The following CHL1 variants were observed in gnomAD, a reference collection of about 807,000 sequenced individuals.
CHL1 encodes neural cell adhesion molecule L1-like protein.
CHL1 carries 96 observed loss-of-function variants against 141.9 expected under a neutral mutation model. That is an observed-to-expected ratio of 0.68 (90% CI 0.57 to 0.80). The LOEUF is 0.80. CHL1 is among the 30% of genes least tolerant of loss of function. CHL1 has a pLI of 0.00. For synonymous variants in CHL1, 613 were observed against 502.2 expected, an observed-to-expected ratio of 1.22 and a Z score of -2.95; for missense variants, 1,820 against 1,457.2, an observed-to-expected ratio of 1.25 and a Z score of -4.05.
In CHL1 at chr3:267,747, G is replaced by C. The variant is rs557069375; in HGVS notation, c.-95+23055G>C. ...CATGAAGCTCAAGAAAAATGTGAAA[G>C]ATTATACAGTTTTTGGGCAACAAAT... On this transcript the variant is annotated intron_variant, in intron 2 of 27. Transcript: ENST00000256509. Among the ~76,000 whole-genome samples the C allele has an allele frequency of 1.1e-3, 166 of 152,248 alleles. 1 individual carries two copies. The Middle Eastern group carries it at 0.024, about 22-fold the overall frequency.
chr3:332,369 A>G (rs17028711), intron 5 of CHL1, among the ~76,000 whole-genome samples: 7,853 of 152,264 alleles, frequency 0.052, 281 homozygotes, highest in South Asian at 0.13. Flanking sequence ...GATAAAAACA[A>G]TATTCATGGC....
intron 5 of CHL1, among the ~76,000 whole-genome samples, chr3:337,187 T>G (rs1198268287): frequency 5.7e-5 from 4 of 70,612 alleles, no homozygotes; most frequent in East Asian, 6.6e-4. Context: ...ATTCTTTTGT[T>G]TTTGTTTTTT....
chr3:364,712 G>T (rs1175674118), intron 14 of CHL1, among the ~76,000 whole-genome samples: 1 of 152,138 alleles, frequency 6.6e-6, no homozygotes, highest in Non-Finnish European at 1.5e-5. Context: ...GTGATTGAGA[G>T]CATGAGCTTT....
At chr3:329,779 G>T (rs1280105361) in intron 5 of CHL1, among the ~76,000 whole-genome samples, 1 of 151,844 alleles carries the variant, frequency 6.6e-6, no homozygotes, top group Admixed American at 6.6e-5. Context: ...CCAGACAAAT[G>T]CTTTCCAAAT....
intron 2 of CHL1, among the ~76,000 whole-genome samples, chr3:288,261 T>C (rs149524635): frequency 6.6e-5 from 10 of 152,328 alleles, no homozygotes; most frequent in Non-Finnish European, 1.5e-4. Flanking sequence ...AGGTATTGGT[T>C]AATCTATTAT....
At chr3:321,143 TA>T (rs1260583439) in intron 3 of CHL1, among the ~76,000 whole-genome samples, 1 of 152,096 alleles carries the variant, frequency 6.6e-6, no homozygotes, top group Non-Finnish European at 1.5e-5. Context: ...AGGGCCACCT[TA>T]AATTACTTGA....
rs74832221 is a variant in CHL1, at chr3:228,454, G to T, written c.-174-16159G>T. Reference sequence around the variant, plus strand: ...CCTGCACATGGATGAAGTCATGTTTGCATACACTCAGTGTAAATATGTGTA... The same window carrying T: ...CCTGCACATGGATGAAGTCATGTTTTCATACACTCAGTGTAAATATGTGTA... On this transcript the variant is annotated intron_variant, in intron 1 of 27. Transcript: ENST00000256509. Among the ~76,000 whole-genome samples, 108 of 150,308 alleles carry T rather than the reference G, an allele frequency of 7.2e-4. 1 individual carries two copies. The highest frequency in any genetic ancestry group is 2.4e-3 in the African/African-American group (100 of 40,886).
chr3:344,744 A>C (rs1702622119), intron 9 of CHL1, 35 bp downstream of exon 9: 1 of 1,605,600 alleles, frequency 6.2e-7, no homozygotes, highest in Non-Finnish European at 8.5e-7. Flanking sequence ...GACTTTGTCC[A>C]TCCAGTTCTG....
At chr3:206,993 T>C (rs1046867896) in intron 1 of CHL1, among the ~76,000 whole-genome samples, 2 of 152,246 alleles carry the variant, frequency 1.3e-5, no homozygotes, top group Non-Finnish European at 2.9e-5. Context: ...TCAGCATTGC[T>C]GTTCTTGAAA....
intron 2 of CHL1, among the ~76,000 whole-genome samples, chr3:292,021 A>G (rs1187794951): frequency 6.6e-6 from 1 of 152,218 alleles, no homozygotes; most frequent in African/African-American, 2.4e-5. Flanking sequence ...AGGAGAAAGA[A>G]AAGGTGGAAA....
chr3:337,811 T>C (rs945517790), intron 5 of CHL1, among the ~76,000 whole-genome samples: 1 of 152,194 alleles, frequency 6.6e-6, no homozygotes, highest in South Asian at 2.1e-4. Flanking sequence ...TTTACTATTG[T>C]GAATAGTGAC....
At chr3:358,596 C>T (rs1270037429) in intron 11 of CHL1, among the ~76,000 whole-genome samples, 7 of 152,056 alleles carry the variant, frequency 4.6e-5, no homozygotes, top group African/African-American at 1.7e-4. Flanking sequence ...TTAAGTCATT[C>T]CAATAAGTAT....
At chr3:354,811 C>A in intron 11 of CHL1, 40 bp downstream of exon 11, 1 of 1,608,494 alleles carries the variant, frequency 6.2e-7, no homozygotes, top group South Asian at 1.1e-5. Context: ...GCTGAAGGCC[C>A]TGGTTTGACG....
chr3:277,343 C>A (rs1696235565), intron 2 of CHL1, among the ~76,000 whole-genome samples: 1 of 152,024 alleles, frequency 6.6e-6, no homozygotes, highest in African/African-American at 2.4e-5. Context: ...TTTAAAAAAG[C>A]AAAATAAAGA....
At chr3:341,676 T>C (rs1187731545) in intron 6 of CHL1, among the ~76,000 whole-genome samples, 1 of 152,202 alleles carries the variant, frequency 6.6e-6, no homozygotes, top group South Asian at 2.1e-4. Flanking sequence ...GTTTGTCTAC[T>C]GGTGGACTTC....
At chr3:329,173 T>C (rs1204067343) in intron 5 of CHL1, among the ~76,000 whole-genome samples, 1 of 152,138 alleles carries the variant, frequency 6.6e-6, no homozygotes, top group Non-Finnish European at 1.5e-5. Context: ...CTGTTCTTAA[T>C]ATATCCACCA....
intron 15 of CHL1, among the ~76,000 whole-genome samples, chr3:372,984 T>C (rs1705840356): frequency 6.6e-6 from 1 of 152,200 alleles, no homozygotes; most frequent in Non-Finnish European, 1.5e-5. Flanking sequence ...TGCTCCTTCT[T>C]GTGGGATCTC....
At chr3:393,524 T>C (rs1249105592) in intron 23 of CHL1, among the ~76,000 whole-genome samples, 1 of 152,080 alleles carries the variant, frequency 6.6e-6, no homozygotes, top group Non-Finnish European at 1.5e-5. Context: ...ATATTAACAA[T>C]TGTAATGATT....
chr3:209,207 C>T (rs1273985934), intron 1 of CHL1, among the ~76,000 whole-genome samples: 2 of 152,156 alleles, frequency 1.3e-5, no homozygotes, highest in East Asian at 3.8e-4. Context: ...ACTATTTGCT[C>T]TTAATTTAGA....
Sources: gnomAD v4.1 joint callset for allele counts (sites outside exome capture counted in the v4.1 genomes callset) on GRCh38, gnomAD v4.1.1 for gene constraint, MANE v1.5 for transcripts, NCBI Gene and HGNC (gene_info 2026-07-23, HGNC 2026-07-21) for gene names.